DSC3: variants seen among roughly 807,000 people sequenced by gnomAD.
The protein encoded by DSC3 is desmocollin-3.
Under a neutral mutation model 89.5 loss-of-function variants are expected in DSC3, and 97 were observed. That is an observed-to-expected ratio of 1.08 (90% CI 0.92 to 1.28). The LOEUF is 1.28. DSC3 is among the 50% of genes most tolerant of loss of function. The probability of loss-of-function intolerance (pLI) is 0.00; values close to 1 mark genes in which losing one functional copy is unlikely to be tolerated. For synonymous variants in DSC3, 436 were observed against 384.1 expected (o/e 1.14, Z -1.58); for missense variants, 1,199 against 1,085.3 (o/e 1.10, Z -1.47).
intron 15 of DSC3, among the ~76,000 whole-genome samples, chr18:30,995,871 C>G (rs1197490043): frequency 6.9e-6 from 1 of 144,682 alleles, no homozygotes; most frequent in Non-Finnish European, 1.5e-5. Flanking sequence ...ACTCAGGAGG[C>G]TGACATAGAA....
chr18:31,036,798 C>CTTTTTTTTTTTTTTTTT (rs775187201), intron 1 of DSC3, among the ~76,000 whole-genome samples: 2,965 of 106,384 alleles, frequency 0.028, 322 homozygotes, highest in East Asian at 0.077. Flanking sequence ...TTCTTTCTTC[C>CTTTTTTTTTTTTTTTTT]TTTTTTTTTT....
intron 9 of DSC3, among the ~76,000 whole-genome samples, chr18:31,015,042 T>C (rs1231792085): frequency 6.6e-6 from 1 of 152,124 alleles, no homozygotes; most frequent in Non-Finnish European, 1.5e-5. Context: ...TTCTGTGACA[T>C]AAAAGGAACT....
Position 31,003,953 on chromosome 18 carries a change from T to C in DSC3, c.2113+189A>G, listed in dbSNP as rs55727134. 7.4e-3 allele frequency among the ~76,000 whole-genome samples: 1,127 copies of C among 152,284 alleles called. 11 individuals are homozygous for C. The highest frequency in any genetic ancestry group is 0.026 in the African/African-American group (1,072 of 41,552). On this transcript the variant is annotated intron_variant, in intron 13 of 15. Coordinates refer to ENST00000360428, the MANE Select transcript of DSC3 (RefSeq NM_001941.5). ...ACAATTCTGTCTAAGCATAAAGTCT[T>C]TTATCTCAAGAAGGATCATGTTCCC...
At chr18:31,035,200 T>G (rs1226261308) in intron 1 of DSC3, among the ~76,000 whole-genome samples, 1 of 152,092 alleles carries the variant, frequency 6.6e-6, no homozygotes, top group Admixed American at 6.6e-5. Context: ...ACTGTAAATA[T>G]ATGTATATAC....
At chr18:31,041,757 T>G (rs1390293343) in intron 1 of DSC3, among the ~76,000 whole-genome samples, 1 of 152,120 alleles carries the variant, frequency 6.6e-6, no homozygotes, top group Non-Finnish European at 1.5e-5. Context: ...CCTAGAGGAT[T>G]TCGTCCTGGG....
At chr18:31,020,334 AG>A (rs1985376319) in intron 7 of DSC3, among the ~76,000 whole-genome samples, 1 of 152,324 alleles carries the variant, frequency 6.6e-6, no homozygotes, top group African/African-American at 2.4e-5. Context: ...GACCATACAA[AG>A]GACACTAAAA....
In DSC3 at chr18:31,042,574, C is replaced by T. The variant is rs1248391879; in HGVS notation, c.69+18G>A. 5.2e-6 allele frequency: 8 copies of T among 1,549,894 alleles called. No individual in the cohort carries two copies. The Admixed American group carries it at 7.8e-5, about 15-fold the overall frequency. On this transcript the variant is annotated intron_variant, in intron 1 of 15. Coordinates refer to ENST00000360428, the MANE Select transcript of DSC3 (RefSeq NM_001941.5). ...CCCCCGTCCCCACCCCAGCCCTATCCGGCGAGATCTGGCTTACCACGAGGG... is the reference window on the plus strand; with the variant it reads ...CCCCCGTCCCCACCCCAGCCCTATCTGGCGAGATCTGGCTTACCACGAGGG...
chr18:31,042,527 T>A, intron 1 of DSC3, 65 bp downstream of exon 1: 3 of 1,479,330 alleles, frequency 2.0e-6, no homozygotes, highest in East Asian at 2.5e-5. Flanking sequence ...CCCAGCTCCG[T>A]GCAGCGTCCA....
rs146246692 is a variant in DSC3, at chr18:31,030,338, C to T, written c.354+635G>A. On this transcript the variant is annotated intron_variant, in intron 3 of 15. Coordinates refer to ENST00000360428, the MANE Select transcript of DSC3 (RefSeq NM_001941.5). ...TTTCATAAGAATTAATTAATAATTGCATTAAACATTTAGCAAAGTGCTAAG... is the reference window on the plus strand; with the variant it reads ...TTTCATAAGAATTAATTAATAATTGTATTAAACATTTAGCAAAGTGCTAAG... 7.0e-4 allele frequency among the ~76,000 whole-genome samples: 107 copies of T among 152,302 alleles called. 1 individual carries two copies. The highest frequency in any genetic ancestry group is 6.8e-3 in the Middle Eastern group (2 of 294).
At chr18:31,007,152 T>A (rs373508368) in intron 11 of DSC3, 21 bp from the exon 12 acceptor site, 4 of 1,554,770 alleles carry the variant, frequency 2.6e-6, no homozygotes, top group Non-Finnish European at 3.5e-6. Context: ...AGGAATAAGG[T>A]TTAGTGTTAT....
intron 1 of DSC3, among the ~76,000 whole-genome samples, chr18:31,040,516 G>A (rs1021322744): frequency 2.6e-5 from 4 of 151,958 alleles, no homozygotes; most frequent in Non-Finnish European, 4.4e-5. Context: ...TTCTTTGTGC[G>A]TGTGATTATT....
chr18:31,030,903 C>G, intron 3 of DSC3, 70 bp downstream of exon 3: 1 of 1,404,176 alleles, frequency 7.1e-7, no homozygotes, highest in Non-Finnish European at 1.0e-6. Flanking sequence ...ATCCTTGTTT[C>G]TCTTTGCAAT....
At chr18:31,024,057 C>G (rs1417757956) in intron 6 of DSC3, among the ~76,000 whole-genome samples, 1 of 151,972 alleles carries the variant, frequency 6.6e-6, no homozygotes, top group African/African-American at 2.4e-5. Context: ...AATGAAAAAC[C>G]CACGAGGAAA....
At chr18:31,000,937 T>A (rs1379270121) in intron 14 of DSC3, among the ~76,000 whole-genome samples, 1 of 151,706 alleles carries the variant, frequency 6.6e-6, no homozygotes, top group African/African-American at 2.4e-5. Context: ...TAAGTTGGCA[T>A]CTTTTTGAGG....
chr18:31,025,838 AT>A lies in DSC3; in HGVS notation c.551del (p.Asn184IlefsTer5). The A allele has an allele frequency of 6.2e-7, 1 of 1,613,264 alleles. No homozygotes were observed. Reference sequence around the variant, plus strand: ...CAGTGTCTCTTTCTATATAAAACAAATTTAAAGGTTCTTTATCAACTCCACG... The same window carrying A: ...CAGTGTCTCTTTCTATATAAAACAAATTAAAGGTTCTTTATCAACTCCACG... ...SGRGVDKEPL[N>X]LFYIERDTGN... is the part of the protein sequence containing the mutation. On this transcript the variant is annotated frameshift_variant, in exon 5 of 16. Coordinates refer to ENST00000360428, the MANE Select transcript of DSC3 (RefSeq NM_001941.5). LOFTEE classifies it high-confidence loss of function.
intron 1 of DSC3, among the ~76,000 whole-genome samples, chr18:31,040,036 GTTTTTCTGGTAAGGACTCACA>G (rs2144745045): frequency 6.6e-6 from 1 of 152,142 alleles, no homozygotes; most frequent in African/African-American, 2.4e-5. Flanking sequence ...AACATCACAA[GTTTTTCTGGTAAGGACTCACA>G]TTATTCACAT....
intron 9 of DSC3, among the ~76,000 whole-genome samples, chr18:31,015,721 A>G (rs865903289): frequency 2.6e-5 from 4 of 152,182 alleles, no homozygotes; most frequent in African/African-American, 9.6e-5. Context: ...ACAGCACACC[A>G]AAAGGTCTGA....
intron 2 of DSC3, 89 bp from the exon 3 acceptor site, chr18:31,031,261 A>G: frequency 2.2e-6 from 2 of 895,912 alleles, no homozygotes; most frequent in Non-Finnish European, 3.4e-6. Context: ...CTTAAAAACC[A>G]TGAAGTGGGA....
chr18:30,994,611 T>A (rs1984394645), intron 15 of DSC3: 2 of 750,458 alleles, frequency 2.7e-6, no homozygotes, highest in Admixed American at 4.6e-5. Context: ...AAGTTTTATA[T>A]TTAAGTACAT....
Sources: allele counts gnomAD v4.1 joint callset (sites outside exome capture counted in the v4.1 genomes callset), GRCh38; gene constraint gnomAD v4.1.1; transcripts MANE v1.5; gene names NCBI Gene and HGNC (gene_info 2026-07-23, HGNC 2026-07-21).